AFF1: variants seen among roughly 807,000 people sequenced by gnomAD.
The protein encoded by AFF1 is AF4/FMR2 family member 1.
In AFF1, 48 loss-of-function variants were observed where a neutral mutation model predicts 121.7. The ratio of observed to expected loss-of-function variants is 0.39; its 90% CI spans 0.31 to 0.50. The LOEUF (loss-of-function observed/expected upper bound fraction) is 0.50. AFF1 is among the 20% of genes least tolerant of loss of function. The pLI is 0.76. For synonymous variants in AFF1, 613 were observed against 563.0 expected (o/e 1.09, Z -1.26); for missense variants, 1,523 against 1,511.7 (o/e 1.01, Z -0.12).
chr4:87,008,799 G>T (rs1459963475), intron 2 of AFF1, among the ~76,000 whole-genome samples: 1 of 152,110 alleles, frequency 6.6e-6, no homozygotes, highest in Non-Finnish European at 1.5e-5. Flanking sequence ...GCTTAATTCA[G>T]TAGTAAAGAA....
chr4:86,997,555 G>T (rs975661301), intron 2 of AFF1, among the ~76,000 whole-genome samples: 6 of 145,268 alleles, frequency 4.1e-5, no homozygotes, highest in African/African-American at 1.5e-4. Flanking sequence ...AAGGTCAGGA[G>T]ATCGAGACCA....
chr4:86,944,178 G>A (rs1378211858), intron 1 of AFF1, among the ~76,000 whole-genome samples: 1 of 148,974 alleles, frequency 6.7e-6, no homozygotes, highest in East Asian at 2.0e-4. Context: ...TCCCTAGTGT[G>A]TGGAATTGCC....
chr4:87,029,704 AT>A (rs1181765615), intron 2 of AFF1, among the ~76,000 whole-genome samples: 1 of 152,100 alleles, frequency 6.6e-6, no homozygotes. Context: ...TTATCCTCAA[AT>A]TATAAAGAAT....
intron 2 of AFF1, among the ~76,000 whole-genome samples, chr4:86,981,791 A>T (rs539724265): frequency 1.3e-5 from 2 of 152,202 alleles, no homozygotes; most frequent in African/African-American, 4.8e-5. Flanking sequence ...TTATACCACA[A>T]ATCACTTTAT....
chr4:87,094,842 A>G, intron 7 of AFF1, 73 bp from the exon 8 acceptor site: 1 of 1,476,664 alleles, frequency 6.8e-7, no homozygotes, highest in Non-Finnish European at 9.4e-7. Context: ...GGGGACCGAC[A>G]TAAAAGAACT....
chr4:87,124,904 A>G (rs1185190626), intron 12 of AFF1, 133 bp from the exon 13 acceptor site: 3 of 576,066 alleles, frequency 5.2e-6, no homozygotes, highest in Non-Finnish European at 8.9e-6. Context: ...GGTAAGTACT[A>G]AGAAGGTTGC....
chr4:87,116,759 T>C (rs1050892499), intron 12 of AFF1, among the ~76,000 whole-genome samples: 2 of 152,184 alleles, frequency 1.3e-5, no homozygotes, highest in African/African-American at 4.8e-5. Flanking sequence ...TAGTAAGTGC[T>C]CTGTCTCAGC....
intron 16 of AFF1, among the ~76,000 whole-genome samples, chr4:87,128,454 G>C (rs553665404): frequency 6.6e-6 from 1 of 152,320 alleles, no homozygotes; most frequent in African/African-American, 2.4e-5. Flanking sequence ...CTTATGTAGT[G>C]AGTTCCTAAA....
intron 2 of AFF1, among the ~76,000 whole-genome samples, chr4:86,972,572 G>A (rs1723020958): frequency 2.6e-5 from 4 of 152,278 alleles, no homozygotes; most frequent in Middle Eastern, 6.8e-3. Flanking sequence ...GAGCCTCACT[G>A]TATTGCCCAG....
At chr4:86,936,051 C>T (rs1359519890) in intron 1 of AFF1, 33 of 152,112 alleles carry the variant, frequency 2.2e-4, no homozygotes, top group Admixed American at 2.2e-3. Flanking sequence ...CGATACCGTC[C>T]GGCTAGTTTT....
chr4:86,951,615 C>CTTTTTTTTTTTTTTTTTGTTTTT (rs748093135), intron 2 of AFF1, among the ~76,000 whole-genome samples: 1 of 124,944 alleles, frequency 8.0e-6, no homozygotes, highest in Non-Finnish European at 1.6e-5. Flanking sequence ...TTTCTTTTTT[C>CTTTTTTTTTTTTTTTTTGTTTTT]TTTTTTTCTT....
chr4:86,945,447 T>A (rs1720788394), intron 1 of AFF1, among the ~76,000 whole-genome samples: 1 of 151,250 alleles, frequency 6.6e-6, no homozygotes, highest in Non-Finnish European at 1.5e-5. Context: ...ACCTTAGCCT[T>A]TTGAGTAGCT....
chr4:87,083,825 T>C (rs561884207), intron 4 of AFF1, among the ~76,000 whole-genome samples: 1 of 152,274 alleles, frequency 6.6e-6, no homozygotes, highest in African/African-American at 2.4e-5. Flanking sequence ...TGCAGTGGCA[T>C]GATCTTGGCT....
chr4:86,961,284 G>T (rs1722125391), intron 2 of AFF1, among the ~76,000 whole-genome samples: 1 of 152,132 alleles, frequency 6.6e-6, no homozygotes, highest in African/African-American at 2.4e-5. Flanking sequence ...ATGAAAAAGG[G>T]AAAAGGAAGA....
intron 2 of AFF1, among the ~76,000 whole-genome samples, chr4:86,983,732 CAAA>C (rs1405194780): frequency 1.5e-5 from 2 of 129,926 alleles, no homozygotes; most frequent in South Asian, 2.5e-4. Flanking sequence ...AAAAAAAAAA[CAAA>C]AAACAAATAA....
At chr4:87,078,827 AT>A (rs914405645) in intron 4 of AFF1, among the ~76,000 whole-genome samples, 120 of 150,546 alleles carry the variant, frequency 8.0e-4, no homozygotes, top group African/African-American at 2.3e-3. Context: ...ACCTATTGGG[AT>A]TTTTTTTTTA....
chr4:86,945,080 A>C (rs1720755299), intron 1 of AFF1, among the ~76,000 whole-genome samples: 1 of 152,234 alleles, frequency 6.6e-6, no homozygotes, highest in South Asian at 2.1e-4. Context: ...TTTAGTGTGG[A>C]TATAGCTGCT....
intron 4 of AFF1, among the ~76,000 whole-genome samples, chr4:87,048,732 C>T (rs1730971283): frequency 6.6e-6 from 1 of 152,102 alleles, no homozygotes. Flanking sequence ...GGGGTGCCGT[C>T]CTCACTGAGC....
At position 87,140,355 on chromosome 4, in the gene AFF1, A is replaced by ATGTG. The variant is rs1729621395; in HGVS notation, c.*4658_*4661dup. Reference sequence around the variant, plus strand: ...GTTCATGTTGGGGTTGTGTGTGTGTATGTGTGTATGTACGCACGCATGTGT... The same window carrying ATGTG: ...GTTCATGTTGGGGTTGTGTGTGTGTATGTGTGTGTGTATGTACGCACGCATGTGT... On this transcript the variant is annotated 3_prime_UTR_variant, in exon 21 of 21. Coordinates refer to ENST00000395146, the MANE Select transcript of AFF1 (RefSeq NM_001166693.3). The ATGTG allele has an allele frequency of 1.0e-5, 2 of 195,912 alleles. No homozygotes were observed. Among genetic ancestry groups the ATGTG allele is most frequent in the African/African-American group, 4.6e-5 (2 of 43,180 alleles). 12.1% of individuals were successfully genotyped at this position (195,912 alleles called of 1,614,324 possible).
Sources: gnomAD v4.1 joint callset for allele counts (sites outside exome capture counted in the v4.1 genomes callset) on GRCh38, gnomAD v4.1.1 for gene constraint, MANE v1.5 for transcripts, NCBI Gene and HGNC (gene_info 2026-07-23, HGNC 2026-07-21) for gene names.